The following ANO3 variants were observed in gnomAD, a reference collection of about 807,000 sequenced individuals.
ANO3 encodes the protein anoctamin 3, also known as anoctamin-3.
ANO3 carries 99 observed loss-of-function variants against 144.8 expected under a neutral mutation model. The observed-to-expected ratio is 0.68, with a 90% confidence interval of 0.58 to 0.81. The LOEUF (loss-of-function observed/expected upper bound fraction) is 0.81. ANO3 is among the 30% of genes least tolerant of loss of function. The pLI is 0.00. For synonymous variants in ANO3, 414 were observed against 392.6 expected, an observed-to-expected ratio of 1.05 and a Z score of -0.64; for missense variants, 905 against 1,202.2, an observed-to-expected ratio of 0.75 and a Z score of 3.66.
At chr11:26,244,358 C>T (rs1188474232) in intron 1 of ANO3, among the ~76,000 whole-genome samples, 2 of 152,138 alleles carry the variant, frequency 1.3e-5, no homozygotes, top group Non-Finnish European at 2.9e-5. Flanking sequence ...GTAGCTAACA[C>T]AACTGGATGG....
At chr11:26,537,317 G>T in intron 9 of ANO3, 89 bp from the exon 10 acceptor site, 1 of 1,053,464 alleles carries the variant, frequency 9.5e-7, no homozygotes. Context: ...CTTTTTAATC[G>T]ATTCATTGTT....
intron 1 of ANO3, among the ~76,000 whole-genome samples, chr11:26,284,185 G>T (rs987519762): frequency 6.6e-6 from 1 of 152,154 alleles, no homozygotes; most frequent in East Asian, 1.9e-4. Flanking sequence ...TCAGTCTACT[G>T]CATGCACCAT....
chr11:26,215,977 A>T (rs1020263331), intron 1 of ANO3, among the ~76,000 whole-genome samples: 1 of 151,934 alleles, frequency 6.6e-6, no homozygotes, highest in Non-Finnish European at 1.5e-5. Context: ...ACGATTATTT[A>T]TACTGTTTTT....
intron 18 of ANO3, among the ~76,000 whole-genome samples, chr11:26,625,370 T>C (rs1180235824): frequency 6.6e-6 from 1 of 152,230 alleles, no homozygotes; most frequent in African/African-American, 2.4e-5. Context: ...TAGCTCTTAA[T>C]GTTCCCTGCA....
intron 1 of ANO3, among the ~76,000 whole-genome samples, chr11:26,339,707 A>G (rs7950037): frequency 2.6e-5 from 4 of 152,154 alleles, no homozygotes; most frequent in African/African-American, 9.7e-5. Flanking sequence ...CATTCACCGT[A>G]TATCTGAAAT....
chr11:26,376,593 C>T (rs555355499), intron 1 of ANO3, among the ~76,000 whole-genome samples: 16 of 152,054 alleles, frequency 1.1e-4, no homozygotes, highest in Non-Finnish European at 2.1e-4. Context: ...TTTATTCGCA[C>T]CCCTACCCGC....
rs1277360528 is a variant in ANO3, at chr11:26,643,224, C to T, written c.2318C>T (p.Pro773Leu). The stretch of plus-strand genomic sequence containing the variant: ...ACCACCATCTTTGTTGCGGCTTTTC[C>T]TCTAGCCCCTCTTTTGGCTTTGTTA... ...GFTTIFVAAF[P>L]LAPLLALLNN... The change falls in exon 23 of 27, where the codon CCT (proline) becomes CTT (leucine). Residue 773 changes from proline (P) to leucine (L), a missense_variant. Transcript: ENST00000256737. The T allele has an allele frequency of 1.2e-6, 2 of 1,614,016 alleles. No individual in the cohort carries two copies. The highest frequency in any genetic ancestry group is 2.7e-5 in the African/African-American group (2 of 75,044).
intron 1 of ANO3, among the ~76,000 whole-genome samples, chr11:26,394,236 C>G (rs1856948134): frequency 6.7e-6 from 1 of 148,936 alleles, no homozygotes; most frequent in South Asian, 2.1e-4. Flanking sequence ...GTTTGCTAGA[C>G]ATACTCACAG....
At chr11:26,601,489 A>G (rs922063289) in intron 17 of ANO3, among the ~76,000 whole-genome samples, 6 of 152,154 alleles carry the variant, frequency 3.9e-5, no homozygotes, top group African/African-American at 1.4e-4. Flanking sequence ...TAAACGAGCC[A>G]TAAAATAATT....
At chr11:26,469,183 G>A (rs750900930) in intron 4 of ANO3, among the ~76,000 whole-genome samples, 3 of 151,870 alleles carry the variant, frequency 2.0e-5, no homozygotes, top group South Asian at 2.1e-4. Flanking sequence ...TTTGACCCTC[G>A]GAAACCTCTC....
intron 1 of ANO3, among the ~76,000 whole-genome samples, chr11:26,429,398 A>C (rs1000289874): frequency 6.6e-6 from 1 of 151,998 alleles, no homozygotes; most frequent in Non-Finnish European, 1.5e-5. Context: ...GGACATTATA[A>C]AATATATTCA....
intron 17 of ANO3, among the ~76,000 whole-genome samples, chr11:26,615,414 A>ATATATATTTTTT (rs1352935016): frequency 5.4e-4 from 71 of 130,676 alleles, no homozygotes; most frequent in Middle Eastern, 4.2e-3. Context: ...ATATATATAT[A>ATATATATTTTTT]TTTTTTTTTT....
chr11:26,261,269 T>C (rs1853182472), intron 1 of ANO3, among the ~76,000 whole-genome samples: 1 of 152,218 alleles, frequency 6.6e-6, no homozygotes, highest in Admixed American at 6.5e-5. Context: ...TACACACTTA[T>C]TTATTACACA....
At chr11:26,540,656 A>C (rs545909474) in intron 10 of ANO3, among the ~76,000 whole-genome samples, 17 of 152,356 alleles carry the variant, frequency 1.1e-4, no homozygotes, top group Non-Finnish European at 2.1e-4. Context: ...GACACTTCTC[A>C]AAAGAAGACA....
At chr11:26,589,642 G>A (rs368783523) in intron 14 of ANO3, among the ~76,000 whole-genome samples, 3 of 139,618 alleles carry the variant, frequency 2.1e-5, no homozygotes, top group East Asian at 2.0e-4. Flanking sequence ...TCTATTTCCT[G>A]ACTGTGGATT....
intron 3 of ANO3, among the ~76,000 whole-genome samples, chr11:26,453,131 A>G (rs1859013152): frequency 6.6e-6 from 1 of 152,208 alleles, no homozygotes; most frequent in African/African-American, 2.4e-5. Context: ...AATCATGCCA[A>G]AATGTAAAGA....
intron 1 of ANO3, among the ~76,000 whole-genome samples, chr11:26,312,598 A>G (rs1289352723): frequency 2.0e-5 from 3 of 152,236 alleles, no homozygotes; most frequent in Non-Finnish European, 4.4e-5. Flanking sequence ...ATGGTCAGTG[A>G]TGATGAGAAT....
intron 20 of ANO3, among the ~76,000 whole-genome samples, chr11:26,638,075 A>C (rs1044569293): frequency 6.6e-6 from 1 of 152,218 alleles, no homozygotes; most frequent in African/African-American, 2.4e-5. Context: ...ATACTGATGA[A>C]TTATTTTTGT....
chr11:26,423,170 G>A (rs112037778), intron 1 of ANO3, among the ~76,000 whole-genome samples: 1 of 151,882 alleles, frequency 6.6e-6, no homozygotes, highest in African/African-American at 2.4e-5. Flanking sequence ...TTAAACCCAA[G>A]AACTACAAAT....
Sources: gnomAD v4.1 joint callset for allele counts (sites outside exome capture counted in the v4.1 genomes callset) on GRCh38, gnomAD v4.1.1 for gene constraint, MANE v1.5 for transcripts, NCBI Gene and HGNC (gene_info 2026-07-23, HGNC 2026-07-21) for gene names.